LPIN1: variants seen among roughly 807,000 people sequenced by gnomAD.
LPIN1 encodes phosphatidate phosphatase LPIN1.
LPIN1 carries 71 observed loss-of-function variants against 107.5 expected under a neutral mutation model. The ratio of observed to expected loss-of-function variants is 0.66; its 90% confidence interval spans 0.55 to 0.80. LPIN1 has a LOEUF of 0.80. LPIN1 is among the 30% of genes least tolerant of loss of function. LPIN1 has a pLI of 0.00. For missense variants in LPIN1, 1,043 were observed against 1,160.6 expected, an observed-to-expected ratio of 0.90 and a Z score of 1.47; for synonymous variants, 445 against 452.6, an observed-to-expected ratio of 0.98 and a Z score of 0.21.
rs150314956 is a variant in LPIN1 at position 11,799,315 on chromosome 2, C to T, written c.1887-3592C>T. Among the ~76,000 whole-genome samples the T allele has an allele frequency of 2.3e-3, 344 of 152,136 alleles. 2 individuals are homozygous for T. Among genetic ancestry groups the T allele is most frequent in the Non-Finnish European group, 4.0e-3 (270 of 68,008 alleles). On this transcript the variant is annotated intron_variant, in intron 14 of 20. Coordinates refer to ENST00000674199, the MANE Select transcript of LPIN1 (RefSeq NM_001349206.2). ...CCGCCTTGCCTCCTCATCCCGCCGG[C>T]AGAGGTACACATCAATCTGTTGTCA... is the stretch of plus-strand genomic sequence containing the variant.
At position 11,824,939 on chromosome 2, in the gene LPIN1, C is replaced by A; in HGVS notation, c.*148C>A. On this transcript the variant is annotated 3_prime_UTR_variant, in exon 21 of 21. Coordinates refer to ENST00000674199, the MANE Select transcript of LPIN1 (RefSeq NM_001349206.2). ...GAGAGAATTGAGAAGCATTTCTCCC[C>A]TGCCCCACCCCGGGGCTGACATTTC... 2 of 877,104 alleles carry A rather than the reference C, an allele frequency of 2.3e-6. No individual in the cohort carries two copies. Among genetic ancestry groups the A allele is most frequent in the Non-Finnish European group, 1.8e-6 (1 of 562,428 alleles). 54.3% of individuals were successfully genotyped at this position (877,104 alleles called of 1,614,324 possible).
At chr2:11,799,567 A>G (rs559577202) in intron 14 of LPIN1, among the ~76,000 whole-genome samples, 157 of 152,026 alleles carry the variant, frequency 1.0e-3, no homozygotes, top group South Asian at 7.3e-3. Flanking sequence ...GGTTCAGAGG[A>G]ACCAGCATGG....
intron 20 of LPIN1, among the ~76,000 whole-genome samples, chr2:11,820,914 C>G (rs1371758373): frequency 1.3e-5 from 2 of 152,138 alleles, no homozygotes; most frequent in African/African-American, 4.8e-5. Flanking sequence ...TGTTTCTTAC[C>G]AGAGACATTG....
chr2:11,724,504 A>G, exon 1 of LPIN1: 1 of 985,724 alleles, frequency 1.0e-6, no homozygotes, highest in Non-Finnish European at 1.2e-6. Flanking sequence ...GAACTAGAAA[A>G]TCAGAAGAAA....
chr2:11,686,993 CTTTTTT>C (rs141927239), intron 1 of LPIN1, among the ~76,000 whole-genome samples: 10,341 of 84,974 alleles, frequency 0.12, 412 homozygotes, highest in African/African-American at 0.18. Flanking sequence ...GCTTTTGATC[CTTTTTT>C]TTTTTTTTTT....
At chr2:11,764,155 A>T (rs1177287333) in intron 1 of LPIN1, 1 of 149,356 alleles carries the variant, frequency 6.7e-6, no homozygotes, top group Non-Finnish European at 1.5e-5. Context: ...GCTGACATGC[A>T]TTTATATATG....
At chr2:11,796,094 T>G (rs957807077) in intron 14 of LPIN1, among the ~76,000 whole-genome samples, 1 of 152,254 alleles carries the variant, frequency 6.6e-6, no homozygotes, top group Non-Finnish European at 1.5e-5. Flanking sequence ...ATACTGACAC[T>G]GAATGATTTG....
At chr2:11,688,813 G>A (rs895376880) in intron 1 of LPIN1, among the ~76,000 whole-genome samples, 3 of 152,216 alleles carry the variant, frequency 2.0e-5, no homozygotes, top group Non-Finnish European at 4.4e-5. Context: ...AGGAGAAAGG[G>A]ACTTGGCTAG....
rs73917818 is a variant in LPIN1, at chr2:11,807,156, T to C, written c.2249+2000T>C. On this transcript the variant is annotated intron_variant, in intron 17 of 20. Transcript: ENST00000674199. ...CACTTAGGGAAGTCCCGCTGTAAAG[T>C]AGATTCCCAGGAGTAGAATTGCTGG... 5.2e-3 allele frequency among the ~76,000 whole-genome samples: 797 copies of C among 152,348 alleles called. 4 individuals are homozygous for C. Among genetic ancestry groups the C allele is most frequent in the African/African-American group, 0.018 (762 of 41,576 alleles).
At chr2:11,752,720 C>T (rs1668048678) in intron 1 of LPIN1, among the ~76,000 whole-genome samples, 1 of 152,010 alleles carries the variant, frequency 6.6e-6, no homozygotes, top group Non-Finnish European at 1.5e-5. Flanking sequence ...CGTGAGCCAC[C>T]GCGCCCGGCC....
chr2:11,709,430 A>G (rs1663293527), intron 1 of LPIN1, among the ~76,000 whole-genome samples: 1 of 152,244 alleles, frequency 6.6e-6, no homozygotes, highest in Non-Finnish European at 1.5e-5. Flanking sequence ...CACCAGCGCT[A>G]AAGCCTGGAT....
At chr2:11,724,635 A>G in intron 1 of LPIN1, 1 of 985,476 alleles carries the variant, frequency 1.0e-6, no homozygotes, top group East Asian at 1.1e-4. Flanking sequence ...TTTCCTCTGA[A>G]AGCTAAGGTA....
intron 3 of LPIN1, 74 bp downstream of exon 3, chr2:11,767,932 G>GAAGTTTGTGCAAAGTAAT (rs1181163455): frequency 2.0e-6 from 2 of 977,420 alleles, no homozygotes; most frequent in Non-Finnish European, 3.3e-6. Context: ...AAACACGGCA[G>GAAGTTTGTGCAAAGTAAT]AAGTTTGTGC....
intron 15 of LPIN1, 60 bp from the exon 16 acceptor site, chr2:11,804,363 T>C: frequency 6.3e-7 from 1 of 1,586,002 alleles, no homozygotes; most frequent in African/African-American, 1.3e-5. Context: ...AGAAGCCAAA[T>C]GCCCATCAAT....
intron 2 of LPIN1, among the ~76,000 whole-genome samples, chr2:11,714,496 C>T (rs766718175): frequency 4.6e-5 from 7 of 152,186 alleles, no homozygotes; most frequent in African/African-American, 9.7e-5. Flanking sequence ...CACCCTCCCT[C>T]GCCCCACTCC....
At chr2:11,778,419 A>G (rs1673020568) in intron 6 of LPIN1, among the ~76,000 whole-genome samples, 1 of 152,202 alleles carries the variant, frequency 6.6e-6, no homozygotes, top group Admixed American at 6.5e-5. Context: ...TTGATCAAAG[A>G]GATTCAGGAT....
intron 1 of LPIN1, chr2:11,724,572 A>T: frequency 1.0e-6 from 1 of 985,570 alleles, no homozygotes; most frequent in East Asian, 1.1e-4. Context: ...ATCTGAAGTT[A>T]ATGGAAGCTG....
intron 1 of LPIN1, among the ~76,000 whole-genome samples, chr2:11,710,654 G>C (rs1326747782): frequency 2.6e-5 from 4 of 152,238 alleles, no homozygotes; most frequent in South Asian, 2.1e-4. Flanking sequence ...GTTCTATGAG[G>C]TAAGTATTTT....
chr2:11,755,678 G>A (rs909138976), intron 1 of LPIN1, among the ~76,000 whole-genome samples: 1 of 151,928 alleles, frequency 6.6e-6, no homozygotes, highest in Non-Finnish European at 1.5e-5. Context: ...TGGAAATCCA[G>A]ATTTGAGGGG....
Sources: gnomAD v4.1 joint callset for allele counts (sites outside exome capture counted in the v4.1 genomes callset) on GRCh38, gnomAD v4.1.1 for gene constraint, MANE v1.5 for transcripts, NCBI Gene and HGNC (gene_info 2026-07-23, HGNC 2026-07-21) for gene names.